Variants in LRRTM4 observed in about 807,000 individuals in gnomAD.
The protein encoded by LRRTM4 is leucine-rich repeat transmembrane neuronal protein 4.
In LRRTM4, 25 loss-of-function variants were observed where a neutral mutation model predicts 47.6. That is an observed-to-expected ratio of 0.53 (90% CI 0.38 to 0.73). LRRTM4 has a LOEUF of 0.73. Among genes scored for constraint, LRRTM4 ranks in the 30% least tolerant of loss-of-function variants. LRRTM4 has a pLI of 0.00. For synonymous variants in LRRTM4, 311 were observed against 269.5 expected, an observed-to-expected ratio of 1.15 and a Z score of -1.51; for missense variants, 638 against 713.4, an observed-to-expected ratio of 0.89 and a Z score of 1.20.
intron 3 of LRRTM4, among the ~76,000 whole-genome samples, chr2:77,218,485 T>C (rs1674521972): frequency 6.6e-6 from 1 of 151,256 alleles, no homozygotes; most frequent in Non-Finnish European, 1.5e-5. Context: ...TGCCATATAC[T>C]TCCACTCCAT....
intron 3 of LRRTM4, among the ~76,000 whole-genome samples, chr2:77,156,549 G>C (rs1672564770): frequency 1.3e-5 from 2 of 151,920 alleles, no homozygotes; most frequent in South Asian, 4.1e-4. Flanking sequence ...GATATATTCA[G>C]AATGATGCCA....
intron 3 of LRRTM4, among the ~76,000 whole-genome samples, chr2:77,280,359 A>G (rs1676476642): frequency 6.6e-6 from 1 of 152,050 alleles, no homozygotes; most frequent in African/African-American, 2.4e-5. Flanking sequence ...ACAGAAATGT[A>G]AGAGAATAAA....
chr2:77,459,492 C>A (rs59166575), intron 3 of LRRTM4, among the ~76,000 whole-genome samples: 28,267 of 151,922 alleles, frequency 0.19, 2,690 homozygotes, highest in East Asian at 0.24. Flanking sequence ...AATTTAGTTT[C>A]TTTAAAAAAT....
intron 3 of LRRTM4, among the ~76,000 whole-genome samples, chr2:76,922,820 A>G (rs1041555979): frequency 6.6e-6 from 1 of 152,142 alleles, no homozygotes; most frequent in Non-Finnish European, 1.5e-5. Flanking sequence ...CCATGATGTA[A>G]CTATACAGGA....
chr2:77,224,571 CAAAAG>C (rs1674746303), intron 3 of LRRTM4, among the ~76,000 whole-genome samples: 2 of 152,128 alleles, frequency 1.3e-5, no homozygotes, highest in African/African-American at 4.8e-5. Context: ...AGACATTTCT[CAAAAG>C]AAGACATTTA....
intron 3 of LRRTM4, among the ~76,000 whole-genome samples, chr2:76,759,601 T>C (rs1673179635): frequency 6.6e-6 from 1 of 152,104 alleles, no homozygotes; most frequent in Non-Finnish European, 1.5e-5. Context: ...TATCTAATCA[T>C]AAACAATGTT....
intron 3 of LRRTM4, among the ~76,000 whole-genome samples, chr2:77,365,697 T>A (rs1274385979): frequency 6.6e-6 from 1 of 151,524 alleles, no homozygotes; most frequent in Non-Finnish European, 1.5e-5. Context: ...GATGGAATAC[T>A]ATGATGCCAT....
At chr2:77,121,525 T>A (rs1158103727) in intron 3 of LRRTM4, among the ~76,000 whole-genome samples, 2 of 151,880 alleles carry the variant, frequency 1.3e-5, no homozygotes, top group Non-Finnish European at 2.9e-5. Context: ...GAATTTACAA[T>A]GTAGATAGGT....
At chr2:76,920,925 C>G (rs973267773) in intron 3 of LRRTM4, among the ~76,000 whole-genome samples, 6 of 152,028 alleles carry the variant, frequency 3.9e-5, no homozygotes, top group Admixed American at 3.9e-4. Flanking sequence ...CTTAGATTAA[C>G]GGAAATTTGC....
intron 3 of LRRTM4, among the ~76,000 whole-genome samples, chr2:77,179,326 T>C (rs559625085): frequency 3.2e-4 from 48 of 152,320 alleles, no homozygotes; most frequent in African/African-American, 1.1e-3. Context: ...AATTTGGCAT[T>C]GTACCTAACA....
chr2:77,161,789 T>C (rs1480231728), intron 3 of LRRTM4, among the ~76,000 whole-genome samples: 3 of 152,212 alleles, frequency 2.0e-5, no homozygotes, highest in Non-Finnish European at 4.4e-5. Flanking sequence ...TTATTTATTT[T>C]CTTCTTTAGT....
intron 3 of LRRTM4, among the ~76,000 whole-genome samples, chr2:77,163,187 G>A (rs1458216670): frequency 6.6e-6 from 1 of 152,156 alleles, no homozygotes; most frequent in Non-Finnish European, 1.5e-5. Context: ...ACATGCACAA[G>A]CTTCGGTAGC....
At position 77,335,061 on chromosome 2, in the gene LRRTM4, A is replaced by G. The variant is rs148798094; in HGVS notation, c.1551+183257T>C. On this transcript the variant is annotated intron_variant, in intron 3 of 3. Coordinates refer to ENST00000409884, the MANE Select transcript of LRRTM4 (RefSeq NM_001134745.3). The stretch of plus-strand genomic sequence containing the variant: ...TTCCTTTCTCATTTTAATGCCTCTA[A>G]GTTGTTATAGATACTAGTAATATGT... Among the ~76,000 whole-genome samples the G allele has an allele frequency of 2.4e-3, 363 of 152,248 alleles. 2 individuals carry two copies. Among genetic ancestry groups the G allele is most frequent in the African/African-American group, 8.4e-3 (349 of 41,540 alleles).
intron 3 of LRRTM4, among the ~76,000 whole-genome samples, chr2:77,398,349 G>C (rs1295494184): frequency 6.6e-6 from 1 of 151,844 alleles, no homozygotes; most frequent in Non-Finnish European, 1.5e-5. Flanking sequence ...AGAATATTTT[G>C]AATTTTAGAG....
At chr2:76,816,314 A>G (rs576895161) in intron 3 of LRRTM4, among the ~76,000 whole-genome samples, 3 of 152,212 alleles carry the variant, frequency 2.0e-5, no homozygotes, top group South Asian at 4.1e-4. Flanking sequence ...TGCTTTGACT[A>G]TGCATCTCAC....
intron 3 of LRRTM4, among the ~76,000 whole-genome samples, chr2:77,051,609 T>C (rs534108959): frequency 1.3e-5 from 2 of 152,322 alleles, no homozygotes; most frequent in East Asian, 3.9e-4. Flanking sequence ...AATTAATACA[T>C]GTAATGTCAT....
chr2:77,227,070 G>A (rs1359959680), intron 3 of LRRTM4, among the ~76,000 whole-genome samples: 4 of 152,062 alleles, frequency 2.6e-5, no homozygotes, highest in Admixed American at 2.6e-4. Flanking sequence ...TGGGTTAATA[G>A]CACTGCCACC....
chr2:77,149,478 G>T (rs1461400376), intron 3 of LRRTM4, among the ~76,000 whole-genome samples: 1 of 152,028 alleles, frequency 6.6e-6, no homozygotes, highest in African/African-American at 2.4e-5. Flanking sequence ...GGCTCCCGAG[G>T]TTCTCTTTAT....
At chr2:76,788,881 C>A (rs1674822418) in intron 3 of LRRTM4, among the ~76,000 whole-genome samples, 1 of 151,994 alleles carries the variant, frequency 6.6e-6, no homozygotes, top group African/African-American at 2.4e-5. Context: ...TTTATAGTTT[C>A]CAAAATGATT....
Sources: allele counts gnomAD v4.1 joint callset (sites outside exome capture counted in the v4.1 genomes callset), GRCh38; gene constraint gnomAD v4.1.1; transcripts MANE v1.5; gene names NCBI Gene and HGNC (gene_info 2026-07-23, HGNC 2026-07-21).